PCNX1: variants seen among roughly 807,000 people sequenced by gnomAD.
PCNX1 encodes pecanex 1, also known as pecanex-like protein 1.
PCNX1 carries 78 observed loss-of-function variants against 242.2 expected under a neutral mutation model. The observed-to-expected ratio is 0.32, with a 90% CI of 0.27 to 0.39. The LOEUF (loss-of-function observed/expected upper bound fraction) is 0.39. Ranked by LOEUF, PCNX1 falls within the 10% of genes least tolerant of loss-of-function variation. The pLI is 1.00. For missense variants in PCNX1, 2,581 were observed against 2,856.5 expected (o/e 0.90, Z 2.20); for synonymous variants, 1,024 against 1,032.9 (o/e 0.99, Z 0.17).
chr14:71,053,183 T>C, intron 24 of PCNX1: 4 of 435,512 alleles, frequency 9.2e-6, no homozygotes, highest in South Asian at 6.6e-5. Context: ...ATTATTCCTC[T>C]GGACCAATTA....
rs372814591 is a variant in PCNX1 at position 71,009,767 on chromosome 14, T to A, written c.2720+43T>A. On this transcript the variant is annotated intron_variant, in intron 9 of 35. Coordinates refer to ENST00000304743, the MANE Select transcript of PCNX1 (RefSeq NM_014982.3). ...TTAGGAGTGTGTGTACTTTCATATG[T>A]TTGCCATATTTAATGTTTTTAAGCC... The A allele has an allele frequency of 7.2e-5, 84 of 1,162,378 alleles. 1 individual carries two copies. The highest frequency in any genetic ancestry group is 1.0e-4 in the Non-Finnish European group (80 of 800,034). The allele number at this position is 1,162,378 out of a possible 1,614,324, so 72.0% of individuals were successfully genotyped here. A position where few individuals can be genotyped will look rare whatever the true frequency, so the allele number is the denominator to read the frequency against.
chr14:70,956,318 G>A (rs1287363452), intron 2 of PCNX1, among the ~76,000 whole-genome samples: 1 of 152,090 alleles, frequency 6.6e-6, no homozygotes, highest in Non-Finnish European at 1.5e-5. Flanking sequence ...CAAGGTGGGA[G>A]GATCCCTTGA....
chr14:71,007,277 G>C (rs1054674367), intron 8 of PCNX1, among the ~76,000 whole-genome samples: 10 of 151,358 alleles, frequency 6.6e-5, no homozygotes, highest in African/African-American at 2.4e-4. Flanking sequence ...ATACATAAAA[G>C]ACAACATGGT....
In PCNX1 at chr14:70,947,176, G is replaced by A; in HGVS notation, c.362+53G>A. On this transcript the variant is annotated intron_variant, in intron 2 of 35. Transcript: ENST00000304743. ...CGTAATGATTTAGATTGTGTTATCT[G>A]TATAATGATGTGATTATTATATTGT... 4.0e-6 allele frequency: 5 copies of A among 1,256,552 alleles called. No individual in the cohort carries two copies. The South Asian group carries it at 5.1e-5, about 13-fold the overall frequency. The allele number at this position is 1,256,552 out of a possible 1,614,324, so 77.8% of individuals were successfully genotyped here.
intron 26 of PCNX1, among the ~76,000 whole-genome samples, chr14:71,060,970 G>A (rs2061311903): frequency 6.6e-6 from 1 of 152,292 alleles, no homozygotes; most frequent in South Asian, 2.1e-4. Flanking sequence ...CTGGTGAGTG[G>A]TGAGTCTGTA....
In PCNX1 at chr14:70,977,944, A is replaced by G; in HGVS notation, c.1607A>G (p.Lys536Arg). The G allele has an allele frequency of 1.9e-6, 3 of 1,614,172 alleles. No homozygotes were observed. The highest frequency in any genetic ancestry group is 2.5e-6 in the Non-Finnish European group (3 of 1,180,024). The change falls in exon 6 of 36, where the codon AAG becomes AGG. Residue 536 changes from lysine (K) to arginine (R), a missense_variant. Lys to Arg is a conservative substitution (Grantham distance 26, BLOSUM62 2). Around this residue, in one of 9 missense-constraint regions of PCNX1, gnomAD observed 1,204 missense variants for 1,216.7 expected, o/e 0.99. Transcript: ENST00000304743. ...AAAGTGCGTAAAGATGTTGGTGGAA[A>G]GCAAAAGGAAGGGGATGTTCGACCT... ...DSKVRKDVGG[K>R]QKEGDVRPKS...
At chr14:71,071,587 A>G (rs959851151) in intron 26 of PCNX1, among the ~76,000 whole-genome samples, 4 of 151,966 alleles carry the variant, frequency 2.6e-5, no homozygotes, top group Non-Finnish European at 4.4e-5. Context: ...CCAGCATGTA[A>G]AATGTGCTTG....
intron 2 of PCNX1, among the ~76,000 whole-genome samples, chr14:70,951,574 C>G (rs1178372792): frequency 6.6e-6 from 1 of 152,112 alleles, no homozygotes; most frequent in Admixed American, 6.6e-5. Context: ...GGGGTTTCAT[C>G]ATGTTGGCCA....
chr14:71,008,542 G>A (rs1393189996), intron 8 of PCNX1, among the ~76,000 whole-genome samples: 2 of 151,578 alleles, frequency 1.3e-5, no homozygotes, highest in Non-Finnish European at 2.9e-5. Flanking sequence ...TGTAGTCCCA[G>A]CTACTCGGGA....
intron 1 of PCNX1, among the ~76,000 whole-genome samples, chr14:70,941,241 T>A (rs1366395253): frequency 2.0e-5 from 3 of 152,238 alleles, no homozygotes; most frequent in African/African-American, 7.2e-5. Context: ...TCTGCTCTGG[T>A]TTCTCCCCAT....
In PCNX1 at chr14:71,036,131, G is replaced by T. The variant is rs752065918; in HGVS notation, c.3841G>T (p.Val1281Leu). 4 of 1,602,808 alleles carry T rather than the reference G, an allele frequency of 2.5e-6. No individual in the cohort carries two copies. The Admixed American group carries it at 6.7e-5, about 27-fold the overall frequency. ...VIGVLYFAIH[V>L]STVFTVLQPA... ...TGGTGTGCTGTATTTTGCTATTCATGTAAGCACAGTCTTCACAGTATTGCA... is the reference window on the plus strand; with the variant it reads ...TGGTGTGCTGTATTTTGCTATTCATTTAAGCACAGTCTTCACAGTATTGCA... The change falls in exon 19 of 36, where the codon GTA (valine) becomes TTA (leucine). Residue 1281 changes from valine to leucine, a missense_variant. Physicochemically the swap from Val to Leu is conservative, Grantham distance 32 (BLOSUM62 1). Coordinates refer to ENST00000304743, the MANE Select transcript of PCNX1 (RefSeq NM_014982.3).
At chr14:71,036,183 T>C in intron 19 of PCNX1, 26 bp downstream of exon 19, 1 of 1,381,142 alleles carries the variant, frequency 7.2e-7, no homozygotes, top group South Asian at 1.2e-5. Flanking sequence ...CTCCTTTTAT[T>C]TGTTTGTTTG....
At position 70,931,456 on chromosome 14, in the gene PCNX1, C is replaced by T. The variant is rs999748118; in HGVS notation, c.154-15459C>T. 1.6e-4 allele frequency among the ~76,000 whole-genome samples: 24 copies of T among 146,816 alleles called. 1 individual carries two copies. The highest frequency in any genetic ancestry group is 6.4e-4 in the Admixed American group (9 of 14,010). ...ATTGTTACAAATGTTTAGTTTTCAT[C>T]TCCTGAAAGAGTGTTAAGAAAAGTT... On this transcript the variant is annotated intron_variant, in intron 1 of 35. Transcript: ENST00000304743.
Position 71,103,667 on chromosome 14 carries a change from C to T in PCNX1, c.6093C>T (p.His2031=). 6.2e-7 allele frequency: 1 copy of T among 1,613,812 alleles called. No homozygotes were observed. Among genetic ancestry groups the T allele is most frequent in the Non-Finnish European group, 8.5e-7 (1 of 1,179,828 alleles). Residue 2031 remains histidine, a splice_region_variant and synonymous_variant, in exon 32 of 36, where the codon CAC becomes CAT. Transcript: ENST00000304743. ...NIRNFIVSTW[H]RLRKGCGAGC... ...GGAACTTCATAGTGTCAACCTGGCA[C>T]AGGTGAGCCAAGGGATTGTATTATT...
At chr14:70,922,598 TATATTC>T (rs1253362754) in intron 1 of PCNX1, among the ~76,000 whole-genome samples, 2 of 152,138 alleles carry the variant, frequency 1.3e-5, no homozygotes, top group East Asian at 3.8e-4. Context: ...TATACAAACA[TATATTC>T]ATATATGTAT....
intron 6 of PCNX1, among the ~76,000 whole-genome samples, chr14:70,984,293 GAGCT>G: frequency 6.6e-6 from 1 of 151,374 alleles, no homozygotes; most frequent in African/African-American, 2.4e-5. Flanking sequence ...AATTGAAATT[GAGCT>G]ACTGCAAGAT....
rs780714492 is a variant in PCNX1 at position 71,105,306 on chromosome 14, C to G, written c.6167C>G (p.Thr2056Ser). The G allele has an allele frequency of 6.2e-6, 10 of 1,613,972 alleles. No homozygotes were observed. The South Asian group carries it at 1.1e-4, about 18-fold the overall frequency. Residue 2056 changes from threonine to serine, a missense_variant, in exon 33 of 36, where the codon ACT (threonine) becomes AGT (serine). Physicochemically the swap from Thr to Ser is moderately conservative, Grantham distance 58. Transcript: ENST00000304743. ...GAAGATTCTGATACTGGAGGTGGGA[C>G]TTCCTGCACTGGTAACAATGCAACA... ...NIEDSDTGGG[T>S]SCTGNNATTA...
intron 1 of PCNX1, among the ~76,000 whole-genome samples, chr14:70,919,709 T>TTCCCCCCC (rs2056296253): frequency 2.5e-4 from 2 of 8,086 alleles, no homozygotes; most frequent in Admixed American, 2.0e-3. Context: ...GTTTCTCTGC[T>TTCCCCCCC]CCCCCCCCCC....
At chr14:70,998,254 C>G (rs768221922) in intron 8 of PCNX1, among the ~76,000 whole-genome samples, 3 of 152,120 alleles carry the variant, frequency 2.0e-5, no homozygotes, top group Non-Finnish European at 2.9e-5. Flanking sequence ...TACTAAACCC[C>G]GAGAATCCTT....
Sources: gnomAD v4.1 joint callset for allele counts (sites outside exome capture counted in the v4.1 genomes callset) on GRCh38, gnomAD v4.1.1 for gene constraint, gnomAD v4.1.1 regional missense constraint, MANE v1.5 for transcripts, NCBI Gene and HGNC (gene_info 2026-07-23, HGNC 2026-07-21) for gene names.